The following PSMB1 variants were observed in gnomAD, a reference collection of about 807,000 sequenced individuals.
PSMB1 encodes proteasome subunit beta type-1.
PSMB1 carries 7 observed loss-of-function variants against 25.4 expected under a neutral mutation model. That is an observed-to-expected ratio of 0.28 (90% CI 0.16 to 0.52). The LOEUF (loss-of-function observed/expected upper bound fraction) is 0.52, where lower values mean the gene tolerates loss of function less well. Among genes scored for constraint, PSMB1 ranks in the 20% least tolerant of loss-of-function variants. The probability of loss-of-function intolerance (pLI) is 0.97; values close to 1 mark genes in which losing one functional copy is unlikely to be tolerated. For synonymous variants in PSMB1, 119 were observed against 115.0 expected, an observed-to-expected ratio of 1.03 and a Z score of -0.22; for missense variants, 284 against 302.2, an observed-to-expected ratio of 0.94 and a Z score of 0.45.
intron 3 of PSMB1, among the ~76,000 whole-genome samples, chr6:170,545,243 G>A (rs1290197598): frequency 6.6e-6 from 1 of 151,964 alleles, no homozygotes; most frequent in Admixed American, 6.6e-5. Context: ...AAAACTTCAG[G>A]AAGGGGTGTG....
intron 1 of PSMB1, chr6:170,549,814 G>T (rs776686478): frequency 6.6e-6 from 1 of 152,194 alleles, no homozygotes; most frequent in African/African-American, 2.4e-5. Flanking sequence ...CCTCATTAGG[G>T]TGTTCAAAGG....
At chr6:170,537,608 A>T (rs1449514788) in intron 4 of PSMB1, among the ~76,000 whole-genome samples, 1 of 152,210 alleles carries the variant, frequency 6.6e-6, no homozygotes, top group Non-Finnish European at 1.5e-5. Context: ...GTTCAAGGGT[A>T]AACTGTAGGC....
chr6:170,543,710 A>G lies in PSMB1; in HGVS notation c.324T>C (p.Asn108=). ...CAATTGCCCCCGTAGTCATGGCCTT[A>G]TTATTGGAATGCTTATACATCTGCA... is the stretch of plus-strand genomic sequence containing the variant. ...ARLKMYKHSN[N]KAMTTGAIAA... Residue 108 remains asparagine (N), a synonymous_variant, in exon 4 of 6, where the codon AAT becomes AAC. Coordinates refer to ENST00000262193, the MANE Select transcript of PSMB1 (RefSeq NM_002793.4). 2 of 1,610,174 alleles carry G rather than the reference A, an allele frequency of 1.2e-6. No homozygotes were observed. Among genetic ancestry groups the G allele is most frequent in the Non-Finnish European group, 1.7e-6 (2 of 1,177,892 alleles).
Position 170,548,257 on chromosome 6 carries a change from GT to G in PSMB1, c.221+748del, listed in dbSNP as rs557184723. ...GGTCCATCCAAAGGACCTAAACCTCGTAAGTCCCATTCCTATTACAATTCAA... is the reference window on the plus strand; with the variant it reads ...GGTCCATCCAAAGGACCTAAACCTCGAAGTCCCATTCCTATTACAATTCAA... On this transcript the variant is annotated intron_variant, in intron 2 of 5. Transcript: ENST00000262193. 1.8e-3 allele frequency among the ~76,000 whole-genome samples: 276 copies of G among 152,262 alleles called. 1 individual carries two copies. The highest frequency in any genetic ancestry group is 5.9e-3 in the African/African-American group (246 of 41,540).
In PSMB1 at chr6:170,538,908, G is replaced by A. The variant is rs1455485990; in HGVS notation, c.434-1568C>T. On this transcript the variant is annotated intron_variant, in intron 4 of 5. Transcript: ENST00000262193. ...AAATGATTGTATCTCTCATGAGGAT[G>A]ACAGGCCACAAGTAAACTGAGGCCC... Among the ~76,000 whole-genome samples, 3 of 152,140 alleles carry A rather than the reference G, an allele frequency of 2.0e-5. No homozygotes were observed. In the East Asian group the frequency reaches 5.8e-4, roughly 29 times the overall value.
At chr6:170,539,997 TACTTAC>T (rs1319542066) in intron 4 of PSMB1, among the ~76,000 whole-genome samples, 1 of 152,228 alleles carries the variant, frequency 6.6e-6, no homozygotes. Context: ...ACCAAAGTCC[TACTTAC>T]ATAAAACTGC....
chr6:170,548,033 G>A (rs1450308278), intron 2 of PSMB1, among the ~76,000 whole-genome samples: 4 of 151,680 alleles, frequency 2.6e-5, no homozygotes, highest in East Asian at 3.8e-4. Context: ...TACAAGTGTC[G>A]TCCTTGAGGA....
chr6:170,540,669 T>C (rs9356598), intron 4 of PSMB1, among the ~76,000 whole-genome samples: 80,947 of 135,748 alleles, frequency 0.6, 22,726 homozygotes, highest in East Asian at 0.8. Flanking sequence ...AATGAACACA[T>C]AACATGAAAA....
intron 3 of PSMB1, 61 bp downstream of exon 3, chr6:170,546,041 TA>T: frequency 7.0e-7 from 1 of 1,421,386 alleles, no homozygotes; most frequent in South Asian, 1.2e-5. Context: ...GCTGTAGGCT[TA>T]AAAGAATTTA....
At chr6:170,550,131 G>A (rs1197208858) in intron 1 of PSMB1, 1 of 152,186 alleles carries the variant, frequency 6.6e-6, no homozygotes, top group African/African-American at 2.4e-5. Context: ...TTAAAGGCAT[G>A]GTGCCTCACA....
intron 4 of PSMB1, 133 bp downstream of exon 4, chr6:170,543,468 C>T: frequency 3.1e-6 from 3 of 982,850 alleles, no homozygotes; most frequent in Non-Finnish European, 4.3e-6. Flanking sequence ...TTCTTCATCA[C>T]TTTCATTATC....
chr6:170,537,114 GAA>G, intron 5 of PSMB1, 118 bp downstream of exon 5: 1 of 725,370 alleles, frequency 1.4e-6, no homozygotes, highest in Non-Finnish European at 2.4e-6. Flanking sequence ...TAATTTATAA[GAA>G]AGTCTTTATA....
In PSMB1 at chr6:170,535,214, C is replaced by G; in HGVS notation, c.*6G>C. The G allele has an allele frequency of 1.2e-6, 2 of 1,613,234 alleles. No homozygotes were observed. The highest frequency in any genetic ancestry group is 1.7e-6 in the Non-Finnish European group (2 of 1,179,422). ...TCTGAACTGATTGGTGATAAGAGCA[C>G]ACAGATCAGTCCTTCCTTAAGGAAA... On this transcript the variant is annotated 3_prime_UTR_variant, in exon 6 of 6. Transcript: ENST00000262193.
rs1476475115 is a variant in PSMB1 at position 170,546,148 on chromosome 6, A to G, written c.258T>C (p.His86=). ...DKTVIGCSGF[H]GDCLTLTKII... ...TCTTTGTCAGCGTAAGACAGTCTCCATGAAAACCGCTGCATCCAATGACTG... is the reference window on the plus strand; with the variant it reads ...TCTTTGTCAGCGTAAGACAGTCTCCGTGAAAACCGCTGCATCCAATGACTG... Residue 86 remains histidine (H), a synonymous_variant, in exon 3 of 6, where the codon CAT becomes CAC. Transcript: ENST00000262193. The G allele has an allele frequency of 5.6e-6, 9 of 1,613,906 alleles. No homozygotes were observed. Among genetic ancestry groups the G allele is most frequent in the South Asian group, 1.1e-5 (1 of 91,084 alleles).
At chr6:170,548,256 C>T (rs1327132068) in intron 2 of PSMB1, among the ~76,000 whole-genome samples, 3 of 152,220 alleles carry the variant, frequency 2.0e-5, no homozygotes, top group East Asian at 1.9e-4. Flanking sequence ...ACCTAAACCT[C>T]GTAAGTCCCA....
intron 2 of PSMB1, among the ~76,000 whole-genome samples, chr6:170,547,492 G>A (rs536071366): frequency 6.6e-5 from 10 of 152,212 alleles, no homozygotes; most frequent in Admixed American, 2.0e-4. Context: ...CGAATGACTC[G>A]CACAAACCAT....
At chr6:170,539,647 G>A (rs1030914531) in intron 4 of PSMB1, among the ~76,000 whole-genome samples, 34 of 152,094 alleles carry the variant, frequency 2.2e-4, no homozygotes, top group African/African-American at 7.2e-4. Context: ...CGGGTACTCA[G>A]GGTACTGGCG....
Position 170,548,969 on chromosome 6 carries a change from A to C in PSMB1, c.221+37T>G, listed in dbSNP as rs1181336179. 6 of 1,402,044 alleles carry C rather than the reference A, an allele frequency of 4.3e-6. 1 individual carries two copies. In the South Asian group the frequency reaches 5.8e-5, roughly 14 times the overall value. 86.9% of individuals were successfully genotyped at this position (1,402,044 alleles called of 1,614,324 possible). On this transcript the variant is annotated intron_variant, in intron 2 of 5. Coordinates refer to ENST00000262193, the MANE Select transcript of PSMB1 (RefSeq NM_002793.4). ...ACTCTCACAACATCAAATCATTACA[A>C]AGGCATTGTGAAATGTCTTTAGAAA...
chr6:170,546,650 C>T (rs2038092), intron 2 of PSMB1, among the ~76,000 whole-genome samples: 9 of 151,838 alleles, frequency 5.9e-5, no homozygotes, highest in Admixed American at 5.9e-4. Flanking sequence ...ATTTTTAGTA[C>T]AGATGGGGTT....
Sources: gnomAD v4.1 joint callset for allele counts (sites outside exome capture counted in the v4.1 genomes callset) on GRCh38, gnomAD v4.1.1 for gene constraint, MANE v1.5 for transcripts, NCBI Gene and HGNC (gene_info 2026-07-23, HGNC 2026-07-21) for gene names.